Variants in B3GAT1 observed in about 807,000 individuals in gnomAD.
B3GAT1 encodes the protein beta-1,3-glucuronyltransferase 1, also known as galactosylgalactosylxylosylprotein 3-beta-glucuronosyltransferase 1.
In B3GAT1, 11 loss-of-function variants were observed where a neutral mutation model predicts 28.4. The observed-to-expected ratio is 0.39, with a 90% CI of 0.24 to 0.64. The LOEUF is 0.64. Among genes scored for constraint, B3GAT1 ranks in the 30% least tolerant of loss-of-function variants. The probability of loss-of-function intolerance (pLI) is 0.50; values close to 1 mark genes in which losing one functional copy is unlikely to be tolerated. For synonymous variants in B3GAT1, 255 were observed against 223.1 expected (o/e 1.14, Z -1.27); for missense variants, 375 against 491.0 (o/e 0.76, Z 2.23).
chr11:134,383,977 C>A lies in B3GAT1; in HGVS notation c.324G>T (p.Thr108=). 6.2e-7 allele frequency: 1 copy of A among 1,602,252 alleles called. No homozygotes were observed. The highest frequency in any genetic ancestry group is 8.5e-7 in the Non-Finnish European group (1 of 1,178,346). Residue 108 remains threonine, a synonymous_variant, in exon 3 of 6, where the codon ACG becomes ACT. Transcript: ENST00000312527. ...QKAELTRMAN[T]LLHVPNLHWL... ...AGTGGAGGTTGGGCACGTGCAGCAG[C>A]GTGTTGGCCATGCGCGTCAGCTCGG...
rs1944868133 is a variant in B3GAT1 at position 134,411,977 on chromosome 11, G to GCCCA, written c.-453_-452insTGGG. 1 of 139,294 alleles carries GCCCA rather than the reference G, an allele frequency of 7.2e-6. No individual in the cohort carries two copies. The highest frequency in any genetic ancestry group is 1.6e-5 in the Non-Finnish European group (1 of 62,854). The allele number at this position is 139,294 out of a possible 1,614,324, so 8.6% of individuals were successfully genotyped here. A position where few individuals can be genotyped will look rare whatever the true frequency, so the allele number is the denominator to read the frequency against. ...CACTTCATAGCCGCGGGGTCCGCGC[G>GCCCA]CCCGCCCGCCCCGCCCGGCCCCGCC... On this transcript the variant is annotated 5_prime_UTR_variant, in exon 1 of 6. Transcript: ENST00000312527. The surrounding 1 kb of genome is among the most constrained non-coding windows in gnomAD (Gnocchi z 6.0).
chr11:134,412,022 T>C lies in B3GAT1; in HGVS notation c.-497A>G, dbSNP rs1237413055. 1 of 136,630 alleles carries C rather than the reference T, an allele frequency of 7.3e-6. No individual in the cohort carries two copies. The highest frequency in any genetic ancestry group is 1.6e-5 in the Non-Finnish European group (1 of 62,462). The allele number at this position is 136,630 out of a possible 1,614,324, so 8.5% of individuals were successfully genotyped here. A position where few individuals can be genotyped will look rare whatever the true frequency, so the allele number is the denominator to read the frequency against. ...CCCGCCGCCCCGGCCCGGCTCGTTC[T>C]GGGCTCAGCGAGGCGGCGGCCGAAG... On this transcript the variant is annotated 5_prime_UTR_variant, in exon 1 of 6. Coordinates refer to ENST00000312527, the MANE Select transcript of B3GAT1 (RefSeq NM_054025.3).
chr11:134,401,397 C>T (rs1944610316), intron 1 of B3GAT1, among the ~76,000 whole-genome samples: 1 of 152,196 alleles, frequency 6.6e-6, no homozygotes, highest in Admixed American at 6.5e-5. Flanking sequence ...TACTACGTAG[C>T]CATAAAGAAG....
Position 134,387,851 on chromosome 11 carries a change from G to C in B3GAT1, c.-192C>G. 1.3e-6 allele frequency: 2 copies of C among 1,528,338 alleles called. No homozygotes were observed. Among genetic ancestry groups the C allele is most frequent in the Non-Finnish European group, 1.8e-6 (2 of 1,142,164 alleles). 94.7% of individuals were successfully genotyped at this position (1,528,338 alleles called of 1,614,324 possible). A position where few individuals can be genotyped will look rare whatever the true frequency, so the allele number is the denominator to read the frequency against. ...CCAGCACTCACAACCCACCCATTGC[G>C]GAAGCAGGTTTGGAGAGTCCGGCCC... On this transcript the variant is annotated 5_prime_UTR_variant, in exon 2 of 6. Coordinates refer to ENST00000312527, the MANE Select transcript of B3GAT1 (RefSeq NM_054025.3).
rs1944134316 is a variant in B3GAT1 at position 134,381,939 on chromosome 11, C to T, written c.1004G>A (p.Ter335=). The change falls in exon 5 of 6, where the codon TGA becomes TAA. Residue 335 remains the stop codon, a stop_retained_variant. Coordinates refer to ENST00000312527, the MANE Select transcript of B3GAT1 (RefSeq NM_054025.3). Reference sequence around the variant, plus strand: ...ATGCCCATACCTGCATCCTGAGGCTCAGATCTCCACCGAGGGGTCAGTGAA... The same window carrying T: ...ATGCCCATACCTGCATCCTGAGGCTTAGATCTCCACCGAGGGGTCAGTGAA... The part of the protein sequence containing the change: ...KGFTDPSVEI[*] 1.9e-6 allele frequency: 3 copies of T among 1,613,772 alleles called. No homozygotes were observed. Among genetic ancestry groups the T allele is most frequent in the South Asian group, 1.1e-5 (1 of 91,046 alleles).
intron 1 of B3GAT1, among the ~76,000 whole-genome samples, chr11:134,397,140 A>G (rs1944520236): frequency 6.6e-6 from 1 of 152,010 alleles, no homozygotes; most frequent in African/African-American, 2.4e-5. Flanking sequence ...AGCTCCTTCC[A>G]CTGCTGCCCC....
chr11:134,381,023 T>G (rs1944110160), intron 5 of B3GAT1, among the ~76,000 whole-genome samples: 1 of 152,144 alleles, frequency 6.6e-6, no homozygotes, highest in African/African-American at 2.4e-5. Context: ...CAGAAGCTAT[T>G]GCTTAGCTCC....
At chr11:134,391,322 C>T (rs906627125) in intron 1 of B3GAT1, 4 of 152,120 alleles carry the variant, frequency 2.6e-5, no homozygotes, top group Non-Finnish European at 5.9e-5. Flanking sequence ...GGGGGCAGGT[C>T]GTGGGATGTG....
intron 1 of B3GAT1, among the ~76,000 whole-genome samples, chr11:134,400,807 AAGC>A (rs1944598721): frequency 1.3e-5 from 2 of 152,368 alleles, no homozygotes; most frequent in African/African-American, 4.8e-5. Context: ...GCAGCAAAAG[AAGC>A]TCTTAACAGA....
In B3GAT1 at chr11:134,383,983, G is replaced by A; in HGVS notation, c.318C>T (p.Ala106=). The stretch of plus-strand genomic sequence containing the variant: ...GGTTGGGCACGTGCAGCAGCGTGTT[G>A]GCCATGCGCGTCAGCTCGGCCTTCT... ...PVQKAELTRM[A]NTLLHVPNLH... is the part of the protein sequence containing the mutation. The change falls in exon 3 of 6, where the codon GCC becomes GCT. Residue 106 remains alanine, a synonymous_variant. Coordinates refer to ENST00000312527, the MANE Select transcript of B3GAT1 (RefSeq NM_054025.3). 6.2e-7 allele frequency: 1 copy of A among 1,603,108 alleles called. No individual in the cohort carries two copies. Among genetic ancestry groups the A allele is most frequent in the Non-Finnish European group, 8.5e-7 (1 of 1,178,554 alleles).
chr11:134,384,311 A>AC, intron 2 of B3GAT1, 123 bp from the exon 3 acceptor site: 1 of 1,293,874 alleles, frequency 7.7e-7, no homozygotes, highest in Non-Finnish European at 1.0e-6. Context: ...GGCTGCTCAG[A>AC]CCCCCGCCTT....
In B3GAT1 at chr11:134,379,018, C is replaced by T. The variant is rs1259990954; in HGVS notation, c.*1744G>A. The T allele has an allele frequency of 2.0e-5, 3 of 152,210 alleles. No homozygotes were observed. Among genetic ancestry groups the T allele is most frequent in the Non-Finnish European group, 4.4e-5 (3 of 68,038 alleles). The allele number at this position is 152,210 out of a possible 1,614,324, so 9.4% of individuals were successfully genotyped here. ...AGCTCACCACCTGTGCCCACCTCCT[C>T]CCTTCTCTCCCATGCCACCCCACTT... On this transcript the variant is annotated 3_prime_UTR_variant, in exon 6 of 6. Transcript: ENST00000312527.
chr11:134,383,650 C>T (rs1944191733), intron 3 of B3GAT1, 30 bp downstream of exon 3: 1 of 1,512,076 alleles, frequency 6.6e-7, no homozygotes, highest in South Asian at 1.3e-5. Flanking sequence ...AGCCGGAGGT[C>T]CCGCTGCTCA....
Position 134,393,633 on chromosome 11 carries a change from T to C in B3GAT1, c.-281-5693A>G, listed in dbSNP as rs1040915607. On this transcript the variant is annotated intron_variant, in intron 1 of 5. Coordinates refer to ENST00000312527, the MANE Select transcript of B3GAT1 (RefSeq NM_054025.3). The surrounding 1 kb of genome is among the most constrained non-coding windows in gnomAD (Gnocchi z 4.0). ...AACACATTTACTTCAACACGCTATT[T>C]CAACAGTTTACATGACATTCTGTGA... 6.6e-6 allele frequency among the ~76,000 whole-genome samples: 1 copy of C among 152,190 alleles called. No homozygotes were observed. Among genetic ancestry groups the C allele is most frequent in the African/African-American group, 2.4e-5 (1 of 41,440 alleles).
chr11:134,391,331 TG>T (rs1255593502), intron 1 of B3GAT1: 1 of 152,118 alleles, frequency 6.6e-6, no homozygotes, highest in Non-Finnish European at 1.5e-5. Flanking sequence ...TCGTGGGATG[TG>T]ATGCCTGGGC....
At position 134,382,063 on chromosome 11, in the gene B3GAT1, CCT is replaced by C. The variant is rs747320316; in HGVS notation, c.919-41_919-40del. On this transcript the variant is annotated intron_variant, in intron 4 of 5. Coordinates refer to ENST00000312527, the MANE Select transcript of B3GAT1 (RefSeq NM_054025.3). Reference sequence around the variant, plus strand: ...GATGCAAAACATGGTGGGACAGGCCCCTGACCTCACTCTGCTGCCTCCCTGCT... The same window carrying C: ...GATGCAAAACATGGTGGGACAGGCCCGACCTCACTCTGCTGCCTCCCTGCT... The C allele has an allele frequency of 2.7e-5, 43 of 1,577,246 alleles. No homozygotes were observed. The South Asian group carries it at 4.5e-4, about 17-fold the overall frequency.
chr11:134,382,157 A>G, intron 4 of B3GAT1, 133 bp from the exon 5 acceptor site: 1 of 706,226 alleles, frequency 1.4e-6, no homozygotes, highest in Non-Finnish European at 2.4e-6. Context: ...CAATTGTTCC[A>G]TCAAGATTTT....
chr11:134,404,801 G>T lies in B3GAT1; in HGVS notation c.-282+7006C>A, dbSNP rs551184794. Among the ~76,000 whole-genome samples, 251 of 152,370 alleles carry T rather than the reference G, an allele frequency of 1.6e-3. 1 individual carries two copies. The highest frequency in any genetic ancestry group is 5.7e-3 in the African/African-American group (238 of 41,582). On this transcript the variant is annotated intron_variant, in intron 1 of 5. Transcript: ENST00000312527. ...AGAGAGAGATTTATGTGTGGGAGAA[G>T]AAGCTAATATCGACAGGCGATGAGT...
chr11:134,379,948 T>A lies in B3GAT1; in HGVS notation c.*814A>T, dbSNP rs540249053. ...CGGTGGGGAGGCAGTGTGTGGACAG[T>A]GGGGCCGTGGGGTTCTTAGTCCAGG... On this transcript the variant is annotated 3_prime_UTR_variant, in exon 6 of 6. Coordinates refer to ENST00000312527, the MANE Select transcript of B3GAT1 (RefSeq NM_054025.3). 2 of 152,932 alleles carry A rather than the reference T, an allele frequency of 1.3e-5. No individual in the cohort carries two copies. The highest frequency in any genetic ancestry group is 2.9e-5 in the Non-Finnish European group (2 of 68,222). 9.5% of individuals were successfully genotyped at this position (152,932 alleles called of 1,614,324 possible).
Sources: allele counts gnomAD v4.1 joint callset (sites outside exome capture counted in the v4.1 genomes callset), GRCh38; gene constraint gnomAD v4.1.1; non-coding constraint Gnocchi (gnomAD v3.1); transcripts MANE v1.5; gene names NCBI Gene and HGNC (gene_info 2026-07-23, HGNC 2026-07-21).